The following RPS6KA6 variants were observed in gnomAD, a reference collection of about 807,000 sequenced individuals.
RPS6KA6 encodes ribosomal protein S6 kinase alpha-6.
Under a neutral mutation model 65.4 loss-of-function variants are expected in RPS6KA6, and 27 were observed. The observed-to-expected ratio is 0.41, with a 90% CI of 0.30 to 0.57. The LOEUF (loss-of-function observed/expected upper bound fraction) is 0.57. Among genes scored for constraint, RPS6KA6 ranks in the 20% least tolerant of loss-of-function variants. The pLI is 0.24. For synonymous variants in RPS6KA6, 190 were observed against 184.2 expected (o/e 1.03, Z -0.26); for missense variants, 486 against 555.6 (o/e 0.87, Z 1.26).
At chrX:84,140,938 A>G (rs1373250103) in intron 6 of RPS6KA6, among the ~76,000 whole-genome samples, 2 of 109,374 alleles carry the variant, frequency 1.8e-5, no homozygotes, top group Non-Finnish European at 3.8e-5. Flanking sequence ...TTGTTAGAGT[A>G]TAAGAAAGGA....
intron 18 of RPS6KA6, among the ~76,000 whole-genome samples, chrX:84,100,821 G>A (rs923620287): frequency 7.3e-5 from 8 of 110,106 alleles, no homozygotes; most frequent in African/African-American, 2.0e-4. Flanking sequence ...CACATTCTCC[G>A]GATACATACA....
intron 6 of RPS6KA6, among the ~76,000 whole-genome samples, chrX:84,143,641 C>T (rs1313016259): frequency 9.0e-6 from 1 of 111,202 alleles, no homozygotes; most frequent in Non-Finnish European, 1.9e-5. Context: ...CAATAAAATT[C>T]CAACCAATAT....
intron 1 of RPS6KA6, among the ~76,000 whole-genome samples, chrX:84,169,801 C>T (rs1286754207): frequency 1.8e-5 from 2 of 111,392 alleles, no homozygotes; most frequent in Non-Finnish European, 3.8e-5. Context: ...ATACACAGGA[C>T]AGCAGTTTCC....
At chrX:84,083,170 A>G (rs1489248619) in intron 20 of RPS6KA6, among the ~76,000 whole-genome samples, 1 of 112,770 alleles carries the variant, frequency 8.9e-6, no homozygotes, top group African/African-American at 3.2e-5. Flanking sequence ...AACCTACAGA[A>G]TGGGAGAAAA....
chrX:84,158,962 T>C (rs2035462917), intron 2 of RPS6KA6, among the ~76,000 whole-genome samples: 1 of 111,521 alleles, frequency 9.0e-6, no homozygotes. Context: ...ATGGCCAGGA[T>C]TGAAAAACAA....
At chrX:84,172,944 G>A (rs1356275083) in intron 1 of RPS6KA6, among the ~76,000 whole-genome samples, 3 of 110,944 alleles carry the variant, frequency 2.7e-5, no homozygotes, top group African/African-American at 9.8e-5. Flanking sequence ...TAGAAAGGTG[G>A]TTGCTGGGGC....
At chrX:84,121,180 A>G (rs1386963261) in intron 8 of RPS6KA6, among the ~76,000 whole-genome samples, 1 of 112,319 alleles carries the variant, frequency 8.9e-6, no homozygotes, top group Non-Finnish European at 1.9e-5. Flanking sequence ...AGCTTAGGAA[A>G]GTAGAAATAC....
At chrX:84,133,809 C>G (rs1424081194) in intron 8 of RPS6KA6, among the ~76,000 whole-genome samples, 2 of 111,460 alleles carry the variant, frequency 1.8e-5, no homozygotes, top group East Asian at 5.6e-4. Context: ...CTTTAAATAT[C>G]TTCGAACCCA....
At chrX:84,178,723 A>G (rs2035804794) in intron 1 of RPS6KA6, among the ~76,000 whole-genome samples, 1 of 111,463 alleles carries the variant, frequency 9.0e-6, no homozygotes, top group Admixed American at 9.6e-5. Context: ...AACTGGACAT[A>G]CCTGTGTAAA....
In RPS6KA6 at chrX:84,134,407, T is replaced by C. The variant is rs572033993; in HGVS notation, c.646+375A>G. Reference sequence around the variant, plus strand: ...CTATATCACTCTCAAAATAACAAAATTATAGAGATGTAGGACATATAAGTG... The same window carrying C: ...CTATATCACTCTCAAAATAACAAAACTATAGAGATGTAGGACATATAAGTG... On this transcript the variant is annotated intron_variant, in intron 8 of 21. Coordinates refer to ENST00000262752, the MANE Select transcript of RPS6KA6 (RefSeq NM_014496.5). 1.4e-4 allele frequency among the ~76,000 whole-genome samples: 15 copies of C among 111,100 alleles called. No homozygotes were observed. In the East Asian group the frequency reaches 4.0e-3, roughly 29 times the overall value.
intron 20 of RPS6KA6, among the ~76,000 whole-genome samples, chrX:84,086,616 G>A (rs1432664757): frequency 1.8e-5 from 2 of 110,988 alleles, no homozygotes; most frequent in African/African-American, 6.6e-5. Flanking sequence ...ATGCCGCCTA[G>A]CAATGAGAAG....
chrX:84,145,634 T>A (rs2035185987), intron 5 of RPS6KA6, 77 bp from the exon 6 acceptor site: 4 of 526,293 alleles, frequency 7.6e-6, no homozygotes, highest in South Asian at 8.5e-5. Flanking sequence ...AATTAATATA[T>A]GTTTAGAATT....
chrX:84,129,439 T>C (rs1288745761), intron 8 of RPS6KA6, among the ~76,000 whole-genome samples: 2 of 110,137 alleles, frequency 1.8e-5, no homozygotes, highest in Non-Finnish European at 3.8e-5. Flanking sequence ...AGTTTGGAGG[T>C]TCCTCAAAAA....
At chrX:84,179,227 A>C (rs950260239) in intron 1 of RPS6KA6, among the ~76,000 whole-genome samples, 1 of 111,276 alleles carries the variant, frequency 9.0e-6, no homozygotes, top group African/African-American at 3.3e-5. Flanking sequence ...CCTACACTCC[A>C]ATTAGAATAG....
Position 84,117,422 on chromosome X carries a change from T to A in RPS6KA6, c.822A>T (p.Gln274His), listed in dbSNP as rs2034589190. The stretch of plus-strand genomic sequence containing the variant: ...TCATGGTCTCATTTCTGTCTTTACC[T>A]TGAAATGGCAGAGTACCAGTAAGCA... ...FEMLTGTLPFQGKDRNETMNM... is the reference protein window; with the variant it reads ...FEMLTGTLPFHGKDRNETMNM... Residue 274 changes from glutamine (Q) to histidine (H), a missense_variant, in exon 10 of 22, where the codon CAA (glutamine) becomes CAT (histidine). Transcript: ENST00000262752. 7.7e-6 allele frequency: 9 copies of A among 1,167,673 alleles called. No homozygotes were observed. The East Asian group carries it at 2.7e-4, about 35-fold the overall frequency.
rs751602149 is a variant in RPS6KA6, at chrX:84,187,975, CCCGCCG to C, written c.-82_-77del. The C allele has an allele frequency of 4.5e-4, 340 of 753,716 alleles. 1 individual carries two copies. Among genetic ancestry groups the C allele is most frequent in the African/African-American group, 2.2e-3 (94 of 42,647 alleles). 62.1% of individuals were successfully genotyped at this position (753,716 alleles called of 1,213,427 possible). ...CCGCGCATCCTGTCTATTGAACTGGCCCGCCGCCGCCGCCGCCGCCGCCGCCGCCGC... is the reference window on the plus strand; with the variant it reads ...CCGCGCATCCTGTCTATTGAACTGGCCCGCCGCCGCCGCCGCCGCCGCCGC... On this transcript the variant is annotated 5_prime_UTR_variant, in exon 1 of 22. Coordinates refer to ENST00000262752, the MANE Select transcript of RPS6KA6 (RefSeq NM_014496.5).
intron 19 of RPS6KA6, 39 bp from the exon 20 acceptor site, chrX:84,096,350 A>C (rs1284254944): frequency 1.6e-6 from 1 of 611,491 alleles, no homozygotes; most frequent in African/African-American, 2.3e-5. Context: ...CTAGAGGGTA[A>C]CATACCCAAA....
At chrX:84,138,102 T>C (rs973511392) in intron 6 of RPS6KA6, among the ~76,000 whole-genome samples, 1 of 111,936 alleles carries the variant, frequency 8.9e-6, no homozygotes, top group Non-Finnish European at 1.9e-5. Flanking sequence ...CATTTTAAAA[T>C]GATTTTTGGA....
At position 84,058,771 on chromosome X, in the gene RPS6KA6, A is replaced by C. The variant is rs1385684929; in HGVS notation, c.*5506T>G. 8.9e-6 allele frequency: 1 copy of C among 111,800 alleles called. No homozygotes were observed. Among genetic ancestry groups the C allele is most frequent in the Non-Finnish European group, 1.9e-5 (1 of 53,202 alleles). 9.2% of individuals were successfully genotyped at this position (111,800 alleles called of 1,213,427 possible). A position where few individuals can be genotyped will look rare whatever the true frequency, so the allele number is the denominator to read the frequency against. On this transcript the variant is annotated 3_prime_UTR_variant, in exon 22 of 22. Transcript: ENST00000262752. ...TCAAATTCACACACAACTTTTATTT[A>C]ATGCCATTTCAGTCTTCAGAAATGC... is the stretch of plus-strand genomic sequence containing the variant.
Sources: gnomAD v4.1 joint callset for allele counts (sites outside exome capture counted in the v4.1 genomes callset) on GRCh38, gnomAD v4.1.1 for gene constraint, MANE v1.5 for transcripts, NCBI Gene and HGNC (gene_info 2026-07-23, HGNC 2026-07-21) for gene names.